The following PLCB4 variants were observed in gnomAD, a reference collection of about 807,000 sequenced individuals.
The protein encoded by PLCB4 is 1-phosphatidylinositol 4,5-bisphosphate phosphodiesterase beta-4.
In PLCB4, 77 loss-of-function variants were observed where a neutral mutation model predicts 178.8. That is an observed-to-expected ratio of 0.43 (90% CI 0.36 to 0.52). PLCB4 has a LOEUF of 0.52. Ranked by LOEUF, PLCB4 falls within the 20% of genes least tolerant of loss-of-function variation. The probability of loss-of-function intolerance (pLI) is 0.00; values close to 1 mark genes in which losing one functional copy is unlikely to be tolerated. For synonymous variants in PLCB4, 496 were observed against 490.8 expected (o/e 1.01, Z -0.14); for missense variants, 1,024 against 1,453.4 (o/e 0.70, Z 4.80).
chr20:9,211,939 G>T (rs1010562881), intron 2 of PLCB4, among the ~76,000 whole-genome samples: 1 of 152,170 alleles, frequency 6.6e-6, no homozygotes, highest in African/African-American at 2.4e-5. Context: ...AGAGTGTTCC[G>T]CTTTGGGAAA....
At chr20:9,342,952 A>T (rs2033397805) in intron 7 of PLCB4, among the ~76,000 whole-genome samples, 1 of 152,160 alleles carries the variant, frequency 6.6e-6, no homozygotes. Context: ...AATTTTTATG[A>T]CAACTGACAA....
chr20:9,389,307 T>C (rs1010227622), intron 15 of PLCB4, among the ~76,000 whole-genome samples: 21 of 152,230 alleles, frequency 1.4e-4, no homozygotes, highest in African/African-American at 4.6e-4. Flanking sequence ...GAGAACCCCT[T>C]CCCCCGGCCT....
intron 2 of PLCB4, among the ~76,000 whole-genome samples, chr20:9,128,359 A>G (rs1206373384): frequency 6.6e-6 from 1 of 152,090 alleles, no homozygotes; most frequent in African/African-American, 2.4e-5. Flanking sequence ...TAAATTACCC[A>G]ACTTCAGGCA....
At chr20:9,367,592 T>C (rs1226644381) in intron 9 of PLCB4, among the ~76,000 whole-genome samples, 1 of 152,218 alleles carries the variant, frequency 6.6e-6, no homozygotes, top group African/African-American at 2.4e-5. Flanking sequence ...GTGTGAAGAA[T>C]AGAAATGTAG....
Position 9,437,053 on chromosome 20 carries a change from A to C in PLCB4, c.2665A>C (p.Lys889Gln). ...SDTSKNDKKG[K>Q]ANTAKANVTP... The stretch of plus-strand genomic sequence containing the variant: ...CACTTCCAAAAATGACAAGAAAGGA[A>C]AGGCCAACACCGCCAAAGCAAATGT... Residue 889 changes from lysine to glutamine, a missense_variant, in exon 30 of 40, where the codon AAG (lysine) becomes CAG (glutamine). Transcript: ENST00000378473. The C allele has an allele frequency of 6.2e-7, 1 of 1,614,104 alleles. No homozygotes were observed. The highest frequency in any genetic ancestry group is 8.5e-7 in the Non-Finnish European group (1 of 1,179,976).
At chr20:9,351,105 G>T (rs909036731) in intron 7 of PLCB4, among the ~76,000 whole-genome samples, 1 of 151,548 alleles carries the variant, frequency 6.6e-6, no homozygotes, top group Non-Finnish European at 1.5e-5. Context: ...CTTTAGACAG[G>T]TTTCTTTATG....
At chr20:9,419,141 A>G (rs914709768) in intron 25 of PLCB4, among the ~76,000 whole-genome samples, 7 of 151,796 alleles carry the variant, frequency 4.6e-5, no homozygotes, top group Non-Finnish European at 1.0e-4. Context: ...TCCAATCTGG[A>G]TGCCTTTTAA....
chr20:9,296,679 T>TA (rs2147798910), intron 3 of PLCB4, among the ~76,000 whole-genome samples: 1 of 152,228 alleles, frequency 6.6e-6, no homozygotes, highest in South Asian at 2.1e-4. Context: ...TATGCAGCCA[T>TA]AAAAAAGGAT....
At chr20:9,175,658 C>G (rs2093142414) in intron 2 of PLCB4, among the ~76,000 whole-genome samples, 1 of 152,046 alleles carries the variant, frequency 6.6e-6, no homozygotes, top group African/African-American at 2.4e-5. Context: ...GATATCAACT[C>G]ACTGAAATCT....
At position 9,417,823 on chromosome 20, in the gene PLCB4, C is replaced by G. The variant is rs73248747; in HGVS notation, c.2052-1984C>G. ...CATCATTTTACACTCCTACTAGCAA[C>G]ATATGAGAGTTCCAATTTCTCCACA... On this transcript the variant is annotated intron_variant, in intron 25 of 39. Transcript: ENST00000378473. Among the ~76,000 whole-genome samples the G allele has an allele frequency of 7.5e-3, 1,149 of 152,254 alleles. 18 individuals are homozygous for G. The highest frequency in any genetic ancestry group is 0.025 in the African/African-American group (1,028 of 41,554).
chr20:9,383,850 C>G (rs2037354472), intron 13 of PLCB4, among the ~76,000 whole-genome samples: 1 of 152,180 alleles, frequency 6.6e-6, no homozygotes, highest in Non-Finnish European at 1.5e-5. Context: ...GAAGAAGAAG[C>G]TGAGATCTAG....
At chr20:9,385,688 C>A (rs1356005231) in intron 14 of PLCB4, among the ~76,000 whole-genome samples, 1 of 150,344 alleles carries the variant, frequency 6.7e-6, no homozygotes, top group Non-Finnish European at 1.5e-5. Context: ...GCGCTCCTCA[C>A]CTCCCAGACG....
chr20:9,168,089 C>T (rs1264506039), intron 2 of PLCB4, among the ~76,000 whole-genome samples: 1 of 152,148 alleles, frequency 6.6e-6, no homozygotes, highest in Non-Finnish European at 1.5e-5. Flanking sequence ...AAAAAAACCA[C>T]TTTATGTGCT....
chr20:9,296,386 T>C (rs2094635298), intron 3 of PLCB4, among the ~76,000 whole-genome samples: 2 of 152,092 alleles, frequency 1.3e-5, no homozygotes, highest in Admixed American at 6.5e-5. Context: ...TGTGGAGAAA[T>C]AGGAACACTT....
intron 29 of PLCB4, 102 bp from the exon 30 acceptor site, chr20:9,436,900 G>T: frequency 9.4e-7 from 1 of 1,068,984 alleles, no homozygotes; most frequent in Non-Finnish European, 1.4e-6. Context: ...AGTCTAGGAA[G>T]AGTATGGTAG....
intron 39 of PLCB4, among the ~76,000 whole-genome samples, chr20:9,478,235 A>G (rs1473161061): frequency 6.6e-6 from 1 of 152,058 alleles, no homozygotes. Flanking sequence ...CTTAGTGACA[A>G]TCTGAACTCA....
At chr20:9,384,880 A>G (rs1027225629) in intron 14 of PLCB4, among the ~76,000 whole-genome samples, 1 of 149,452 alleles carries the variant, frequency 6.7e-6, no homozygotes, top group African/African-American at 2.5e-5. Flanking sequence ...GGGTCATAGG[A>G]TAATAGTGGA....
intron 35 of PLCB4, among the ~76,000 whole-genome samples, chr20:9,463,657 C>G (rs1478598092): frequency 7.2e-6 from 1 of 138,714 alleles, no homozygotes; most frequent in Admixed American, 7.3e-5. Flanking sequence ...AGACTTTAAA[C>G]CAACAAAGAT....
chr20:9,179,936 G>A (rs1237719209), intron 2 of PLCB4, among the ~76,000 whole-genome samples: 2 of 152,096 alleles, frequency 1.3e-5, no homozygotes, highest in Non-Finnish European at 2.9e-5. Flanking sequence ...TTCCTTCTCT[G>A]GTGAGAATGA....
Sources: gnomAD v4.1 joint callset for allele counts (sites outside exome capture counted in the v4.1 genomes callset) on GRCh38, gnomAD v4.1.1 for gene constraint, MANE v1.5 for transcripts, NCBI Gene and HGNC (gene_info 2026-07-23, HGNC 2026-07-21) for gene names.